RASA3: variants seen among roughly 807,000 people sequenced by gnomAD.
RASA3 encodes RAS p21 protein activator 3, also known as ras GTPase-activating protein 3.
A neutral mutation model predicts 110.0 loss-of-function variants in RASA3; 73 were observed. The ratio of observed to expected loss-of-function variants is 0.66; its 90% confidence interval spans 0.55 to 0.81. The LOEUF (loss-of-function observed/expected upper bound fraction) is 0.81. RASA3 is among the 30% of genes least tolerant of loss of function. The pLI is 0.00. For missense variants in RASA3, 976 were observed against 1,113.2 expected (o/e 0.88, Z 1.75); for synonymous variants, 500 against 451.4 (o/e 1.11, Z -1.37).
chr13:114,018,630 G>A (rs2053846911), intron 10 of RASA3, 133 bp downstream of exon 10: 22 of 1,175,126 alleles, frequency 1.9e-5, no homozygotes, highest in South Asian at 6.1e-5. Context: ...ACGGGAAACA[G>A]GCCAGGCTGG....
intron 18 of RASA3, among the ~76,000 whole-genome samples, chr13:114,002,874 C>T (rs1044197040): frequency 6.6e-6 from 1 of 152,204 alleles, no homozygotes; most frequent in African/African-American, 2.4e-5. Flanking sequence ...CTCGGCCCCG[C>T]GCAGCCACGG....
At chr13:114,001,723 T>C (rs374067486) in intron 18 of RASA3, among the ~76,000 whole-genome samples, 25 of 152,014 alleles carry the variant, frequency 1.6e-4, no homozygotes, top group African/African-American at 5.3e-4. Flanking sequence ...GGCCGCGGGC[T>C]CGGGGTCAGA....
At chr13:114,061,171 A>G (rs2079339129) in intron 2 of RASA3, among the ~76,000 whole-genome samples, 1 of 152,184 alleles carries the variant, frequency 6.6e-6, no homozygotes, top group Non-Finnish European at 1.5e-5. Flanking sequence ...AAATAGCCAC[A>G]CCAAAACCCA....
rs753803955 is a variant in RASA3, at chr13:114,015,229, G to C, written c.1385C>G (p.Ala462Gly). The C allele has an allele frequency of 6.2e-7, 1 of 1,613,038 alleles. No individual in the cohort carries two copies. The highest frequency in any genetic ancestry group is 8.5e-7 in the Non-Finnish European group (1 of 1,179,978). ...CTCACCCTGGAAGCGCTTGGCCGCC[G>C]CCTCCCGGAGGGAGAAGAAGATGTC... is the stretch of plus-strand genomic sequence containing the variant. ...MCDIFFSLREAAAKRFQDDPD... is the reference protein window; with the variant it reads ...MCDIFFSLREGAAKRFQDDPD... Residue 462 changes from alanine to glycine, a missense_variant, in exon 14 of 24, where the codon GCG becomes GGG. By Grantham distance (60) the Ala-to-Gly change is moderately conservative. Around this residue, in one of 4 missense-constraint regions of RASA3, gnomAD observed 732 missense variants for 779.7 expected, o/e 0.94. Coordinates refer to ENST00000334062, the MANE Select transcript of RASA3 (RefSeq NM_007368.4).
chr13:113,982,824 C>T (rs1165620402), intron 22 of RASA3, among the ~76,000 whole-genome samples: 1 of 152,194 alleles, frequency 6.6e-6, no homozygotes, highest in East Asian at 1.9e-4. Context: ...GCTGGCTTGC[C>T]TCTTCCACAT....
chr13:114,064,500 C>T (rs185831196), intron 2 of RASA3, among the ~76,000 whole-genome samples: 2 of 152,252 alleles, frequency 1.3e-5, no homozygotes, highest in East Asian at 1.9e-4. Flanking sequence ...CCCCGCTGTC[C>T]GTGGGTCTCA....
chr13:114,037,277 C>T (rs2054296377), intron 4 of RASA3, among the ~76,000 whole-genome samples: 2 of 152,208 alleles, frequency 1.3e-5, no homozygotes, highest in Non-Finnish European at 2.9e-5. Context: ...GTCACAACAG[C>T]CCATCGGCAG....
In RASA3 at chr13:114,011,268, A is replaced by C. The variant is rs114922240; in HGVS notation, c.1513-20T>G. The C allele has an allele frequency of 6.4e-4, 1,022 of 1,596,432 alleles. 4 individuals are homozygous for C. In the African/African-American group the frequency reaches 0.013, roughly 20 times the overall value. On this transcript the variant is annotated intron_variant, in intron 15 of 23. Transcript: ENST00000334062. This position sits in a 1 kb window ranked among gnomAD's most constrained non-coding sequence, Gnocchi z 4.8. ...GGGGTCCTGGGGAGGCGGGAGCAAG[A>C]AAGGTCTATGTCAGCATCACAGAAA...
chr13:114,031,456 T>C (rs1030905026), intron 4 of RASA3, among the ~76,000 whole-genome samples: 3 of 149,952 alleles, frequency 2.0e-5, no homozygotes, highest in African/African-American at 7.4e-5. Flanking sequence ...TACCTGTCTG[T>C]AGTGTGTGGC....
intron 1 of RASA3, among the ~76,000 whole-genome samples, chr13:114,100,804 C>T (rs931052843): frequency 1.1e-4 from 17 of 152,196 alleles, no homozygotes; most frequent in African/African-American, 3.9e-4. Flanking sequence ...CACCGGAAGC[C>T]GTGGAGCCCG....
chr13:114,115,967 G>C lies in RASA3; in HGVS notation c.55+16468C>G, dbSNP rs1273921573. Among the ~76,000 whole-genome samples, 1 of 152,344 alleles carries C rather than the reference G, an allele frequency of 6.6e-6. No individual in the cohort carries two copies. On this transcript the variant is annotated intron_variant, in intron 1 of 23. Transcript: ENST00000334062. This position sits in a 1 kb window ranked among gnomAD's most constrained non-coding sequence, Gnocchi z 5.0. Reference sequence around the variant, plus strand: ...GCTCAGAGGCGTCTGCAGTTGAGGCGGGTGACGTTCTGGGGTCCCTGGGAA... The same window carrying C: ...GCTCAGAGGCGTCTGCAGTTGAGGCCGGTGACGTTCTGGGGTCCCTGGGAA...
At chr13:114,035,435 C>T (rs370054020) in intron 4 of RASA3, among the ~76,000 whole-genome samples, 36 of 152,290 alleles carry the variant, frequency 2.4e-4, no homozygotes, top group African/African-American at 6.5e-4. Context: ...GGGCCCTGGG[C>T]GGGGGCTGCT....
intron 2 of RASA3, among the ~76,000 whole-genome samples, chr13:114,062,258 CTTCCT>C (rs2079367533): frequency 6.6e-6 from 1 of 151,546 alleles, no homozygotes. Context: ...GGAAAGAATG[CTTCCT>C]TTCATTTCAA....
intron 18 of RASA3, among the ~76,000 whole-genome samples, 199 bp from the exon 19 acceptor site, chr13:114,001,131 T>C (rs1172920198): frequency 6.6e-6 from 1 of 152,230 alleles, no homozygotes; most frequent in African/African-American, 2.4e-5. Context: ...GCTGACTGCT[T>C]TGAGTCACCA....
intron 4 of RASA3, among the ~76,000 whole-genome samples, chr13:114,040,337 A>G (rs2054373278): frequency 7.5e-6 from 1 of 132,838 alleles, no homozygotes; most frequent in Non-Finnish European, 1.6e-5. Context: ...GAACACGCAC[A>G]ACCCAAAATC....
chr13:114,015,218 G>A lies in RASA3; in HGVS notation c.1396C>T (p.Arg466Cys), dbSNP rs377496833. The part of the protein sequence containing the change: ...FFSLREAAAK[R>C]FQDDPDVRYT... ...TGTTCAGGGCACTCACCCTGGAAGC[G>A]CTTGGCCGCCGCCTCCCGGAGGGAG... Residue 466 changes from arginine to cysteine, a missense_variant, in exon 14 of 24, where the codon CGC (arginine) becomes TGC (cysteine). Transcript: ENST00000334062. 2 of 1,613,006 alleles carry A rather than the reference G, an allele frequency of 1.2e-6. No homozygotes were observed. Among genetic ancestry groups the A allele is most frequent in the Non-Finnish European group, 1.7e-6 (2 of 1,179,984 alleles).
rs1328179267 is a variant in RASA3 at position 114,048,834 on chromosome 13, C to T, written c.277+3218G>A. On this transcript the variant is annotated intron_variant, in intron 3 of 23. Coordinates refer to ENST00000334062, the MANE Select transcript of RASA3 (RefSeq NM_007368.4). The surrounding 1 kb of genome is among the most constrained non-coding windows in gnomAD (Gnocchi z 4.3). ...ACACTGGACACTTCTCCTGCTCCTG[C>T]TGTGGCGGGAGCTGACTGCAGCCGG... Among the ~76,000 whole-genome samples the T allele has an allele frequency of 2.6e-5, 4 of 151,562 alleles. No individual in the cohort carries two copies. Among genetic ancestry groups the T allele is most frequent in the South Asian group, 2.1e-4 (1 of 4,752 alleles).
rs561313875 is a variant in RASA3 at position 114,056,181 on chromosome 13, T to C, written c.174-4026A>G. On this transcript the variant is annotated intron_variant, in intron 2 of 23. Coordinates refer to ENST00000334062, the MANE Select transcript of RASA3 (RefSeq NM_007368.4). The surrounding 1 kb of genome is among the most constrained non-coding windows in gnomAD (Gnocchi z 5.7). ...GGAGGAGGAAGTGGGTCGGGCTGGA[T>C]TGCATGTCTGATGTGTGTCCGATGA... Among the ~76,000 whole-genome samples, 20 of 152,232 alleles carry C rather than the reference T, an allele frequency of 1.3e-4. No homozygotes were observed. In the East Asian group the frequency reaches 1.5e-3, roughly 12 times the overall value.
intron 3 of RASA3, among the ~76,000 whole-genome samples, chr13:114,043,666 G>A (rs571960338): frequency 6.6e-5 from 10 of 152,162 alleles, no homozygotes; most frequent in Admixed American, 5.2e-4. Context: ...GAACCAAGGG[G>A]GCCGGCACAG....
Sources: gnomAD v4.1 joint callset for allele counts (sites outside exome capture counted in the v4.1 genomes callset) on GRCh38, gnomAD v4.1.1 for gene constraint, gnomAD v4.1.1 regional missense constraint, Gnocchi (gnomAD v3.1) non-coding constraint, MANE v1.5 for transcripts, NCBI Gene and HGNC (gene_info 2026-07-23, HGNC 2026-07-21) for gene names.